The following ERC1 variants were observed in gnomAD, a reference collection of about 807,000 sequenced individuals.
The protein encoded by ERC1 is ELKS/RAB6-interacting/CAST family member 1.
A neutral mutation model predicts 132.0 loss-of-function variants in ERC1; 56 were observed. The observed-to-expected ratio is 0.42, with a 90% CI of 0.34 to 0.53. The LOEUF (loss-of-function observed/expected upper bound fraction) is 0.53, where lower values mean the gene tolerates loss of function less well. Ranked by LOEUF, ERC1 falls within the 20% of genes least tolerant of loss-of-function variation. ERC1 has a pLI of 0.03. For synonymous variants in ERC1, 478 were observed against 476.1 expected, an observed-to-expected ratio of 1.00 and a Z score of -0.05; for missense variants, 1,202 against 1,349.9, an observed-to-expected ratio of 0.89 and a Z score of 1.72.
In ERC1 at chr12:1,371,943, A is replaced by G; in HGVS notation, c.2891A>G (p.Glu964Gly). Residue 964 changes from glutamate to glycine, a missense_variant, in exon 16 of 19, where the codon GAG becomes GGG. Coordinates refer to ENST00000360905, the MANE Select transcript of ERC1 (RefSeq NM_178040.4). ...TQEEVAALKR[E>G]KDRLVQQLKQ... is the part of the protein sequence containing the mutation. The stretch of plus-strand genomic sequence containing the variant: ...GAGGAAGTGGCTGCCCTGAAGCGGG[A>G]GAAGGATCGTCTGGTACAGCAGCTT... The G allele has an allele frequency of 1.2e-6, 2 of 1,614,034 alleles. No homozygotes were observed. The highest frequency in any genetic ancestry group is 1.7e-6 in the Non-Finnish European group (2 of 1,180,036).
chr12:1,005,552 T>A (rs1240082968), intron 1 of ERC1, among the ~76,000 whole-genome samples: 2 of 152,186 alleles, frequency 1.3e-5, no homozygotes, highest in African/African-American at 2.4e-5. Context: ...GGTAGATAAT[T>A]ATTGGCTATT....
chr12:1,265,562 T>C (rs1483025859), intron 14 of ERC1, among the ~76,000 whole-genome samples: 1 of 152,230 alleles, frequency 6.6e-6, no homozygotes, highest in African/African-American at 2.4e-5. Flanking sequence ...TGAACCAGTT[T>C]TAATACATTG....
intron 6 of ERC1, 52 bp downstream of exon 6, chr12:1,112,350 C>A: frequency 7.6e-7 from 1 of 1,317,644 alleles, no homozygotes; most frequent in Non-Finnish European, 1.1e-6. Context: ...ACAGTGGGAC[C>A]CTGCTAGCTC....
chr12:991,370 C>T (rs527778817), intron 1 of ERC1, 48 bp downstream of exon 1: 1 of 156,456 alleles, frequency 6.4e-6, no homozygotes. Context: ...GCGCGGGACC[C>T]AGAGCTTCCC....
At chr12:1,142,968 G>A (rs1484936009) in intron 8 of ERC1, among the ~76,000 whole-genome samples, 5 of 152,126 alleles carry the variant, frequency 3.3e-5, no homozygotes, top group East Asian at 1.9e-4. Flanking sequence ...GCACGATCTC[G>A]GCTCAGTGCA....
intron 18 of ERC1, among the ~76,000 whole-genome samples, chr12:1,466,042 A>G (rs1483807693): frequency 1.3e-5 from 2 of 152,142 alleles, no homozygotes; most frequent in African/African-American, 4.8e-5. Context: ...CTGATATGAA[A>G]TGGTGGTTAG....
At chr12:1,189,360 T>C (rs1955474560) in intron 11 of ERC1, among the ~76,000 whole-genome samples, 1 of 152,224 alleles carries the variant, frequency 6.6e-6, no homozygotes, top group South Asian at 2.1e-4. Flanking sequence ...ACACTCCCAG[T>C]ATCTGTTTGA....
chr12:1,363,414 G>A (rs2086332237), intron 15 of ERC1, among the ~76,000 whole-genome samples: 1 of 152,070 alleles, frequency 6.6e-6, no homozygotes, highest in South Asian at 2.1e-4. Context: ...CATTTACTGA[G>A]CTATAATCAC....
chr12:1,146,612 G>GTTTT (rs146362967), intron 8 of ERC1, among the ~76,000 whole-genome samples: 19 of 138,032 alleles, frequency 1.4e-4, no homozygotes, highest in African/African-American at 4.6e-4. Context: ...TTCCAGTACT[G>GTTTT]TTTTTTTTTT....
rs376406420 is a variant in ERC1, at chr12:1,483,179, T to A, written c.3214-6914T>A. Among the ~76,000 whole-genome samples, 7 of 152,254 alleles carry A rather than the reference T, an allele frequency of 4.6e-5. No individual in the cohort carries two copies. In the South Asian group the frequency reaches 1.4e-3, roughly 32 times the overall value. On this transcript the variant is annotated intron_variant, in intron 18 of 18. Transcript: ENST00000360905. ...CAGGTGTAGTGGCATGTGCATATAG[T>A]CCCAGCTACTTGGGAGGCTAAGGCA...
intron 11 of ERC1, among the ~76,000 whole-genome samples, chr12:1,186,510 G>A (rs1023369777): frequency 6.6e-5 from 10 of 152,134 alleles, no homozygotes; most frequent in African/African-American, 1.7e-4. Flanking sequence ...TCACTGTTAC[G>A]TCAGCCTCTC....
chr12:1,272,659 G>A (rs1051691601), intron 14 of ERC1, among the ~76,000 whole-genome samples: 1 of 152,056 alleles, frequency 6.6e-6, no homozygotes, highest in Non-Finnish European at 1.5e-5. Context: ...CATAAAAAGA[G>A]TTTGAGTAGG....
intron 13 of ERC1, 56 bp from the exon 14 acceptor site, chr12:1,262,978 G>C: frequency 6.3e-7 from 1 of 1,574,922 alleles, no homozygotes. Context: ...TAATAAATAG[G>C]CTCTCCCTGG....
chr12:1,342,636 C>G (rs1294563821), intron 15 of ERC1, among the ~76,000 whole-genome samples: 1 of 152,144 alleles, frequency 6.6e-6, no homozygotes, highest in East Asian at 1.9e-4. Context: ...TTTTAGCTAG[C>G]TCTTAAAGGA....
At chr12:1,288,409 C>G (rs2079183465) in intron 14 of ERC1, among the ~76,000 whole-genome samples, 1 of 152,154 alleles carries the variant, frequency 6.6e-6, no homozygotes, top group Non-Finnish European at 1.5e-5. Flanking sequence ...GCCACAGCGC[C>G]CGGCCGTAAC....
chr12:1,494,693 T>A lies in ERC1; in HGVS notation c.*4463T>A, dbSNP rs2094345474. 2.6e-5 allele frequency: 6 copies of A among 231,102 alleles called. No individual in the cohort carries two copies. In the Admixed American group the frequency reaches 2.8e-4, roughly 11 times the overall value. 14.3% of individuals were successfully genotyped at this position (231,102 alleles called of 1,614,324 possible). A position where few individuals can be genotyped will look rare whatever the true frequency, so the allele number is the denominator to read the frequency against. ...GAGCGGGTTTTTGTCCCATCCCACC[T>A]CCTCTCTTCTTTCTCTGCTTGTCGA... On this transcript the variant is annotated 3_prime_UTR_variant, in exon 19 of 19. Coordinates refer to ENST00000360905, the MANE Select transcript of ERC1 (RefSeq NM_178040.4).
intron 15 of ERC1, among the ~76,000 whole-genome samples, chr12:1,348,641 C>T (rs2084709641): frequency 6.6e-6 from 1 of 151,626 alleles, no homozygotes; most frequent in Admixed American, 6.6e-5. Context: ...TGCAGCGAGC[C>T]GAGATTGTGC....
At chr12:1,309,192 A>G (rs2081107593) in intron 15 of ERC1, among the ~76,000 whole-genome samples, 1 of 152,258 alleles carries the variant, frequency 6.6e-6, no homozygotes, top group Non-Finnish European at 1.5e-5. Context: ...ATACACCGCA[A>G]CCATCAAAAA....
At chr12:1,224,868 A>G (rs113270011) in intron 12 of ERC1, among the ~76,000 whole-genome samples, 8 of 152,050 alleles carry the variant, frequency 5.3e-5, no homozygotes, top group African/African-American at 1.4e-4. Flanking sequence ...GCATACGTCT[A>G]TAGTCCCGGC....
Sources: allele counts gnomAD v4.1 joint callset (sites outside exome capture counted in the v4.1 genomes callset), GRCh38; gene constraint gnomAD v4.1.1; transcripts MANE v1.5; gene names NCBI Gene and HGNC (gene_info 2026-07-23, HGNC 2026-07-21).